The following MAEA variants were observed in gnomAD, a reference collection of about 807,000 sequenced individuals.
MAEA encodes the protein E3 ubiquitin-protein transferase MAEA.
A neutral mutation model predicts 46.2 loss-of-function variants in MAEA; 22 were observed. The ratio of observed to expected loss-of-function variants is 0.48; its 90% CI spans 0.34 to 0.68. MAEA has a LOEUF of 0.68. Ranked by LOEUF, MAEA falls within the 30% of genes least tolerant of loss-of-function variation. The pLI is 0.01. For missense variants in MAEA, 393 were observed against 558.1 expected, an observed-to-expected ratio of 0.70 and a Z score of 2.98; for synonymous variants, 246 against 222.6, an observed-to-expected ratio of 1.11 and a Z score of -0.94.
intron 7 of MAEA, chr4:1,338,217 G>A: frequency 1.9e-6 from 1 of 520,228 alleles, no homozygotes. Flanking sequence ...GAAGGCGCAG[G>A]CTTCTTGTCT....
At chr4:1,336,401 CA>C in intron 6 of MAEA, among the ~76,000 whole-genome samples, 1 of 151,714 alleles carries the variant, frequency 6.6e-6, no homozygotes, top group Middle Eastern at 3.2e-3. Flanking sequence ...GCACTCACCC[CA>C]CAGCATGTTG....
intron 7 of MAEA, chr4:1,337,622 G>A: frequency 5.9e-6 from 1 of 169,856 alleles, no homozygotes; most frequent in Non-Finnish European, 1.3e-5. Context: ...ACTTCTTCCT[G>A]CCTGTGACAG....
At chr4:1,315,349 C>A in intron 2 of MAEA, 48 bp from the exon 3 acceptor site, 1 of 1,560,258 alleles carries the variant, frequency 6.4e-7, no homozygotes, top group South Asian at 1.1e-5. Context: ...TGGTGCAGGG[C>A]TGCGGGGCAT....
rs1336164754 is a variant in MAEA, at chr4:1,336,957, C to G, written c.862C>G (p.Leu288Val). 6.2e-7 allele frequency: 1 copy of G among 1,614,076 alleles called. No individual in the cohort carries two copies. Among genetic ancestry groups the G allele is most frequent in the South Asian group, 1.1e-5 (1 of 91,088 alleles). The change falls in exon 7 of 9, where the codon CTC (leucine) becomes GTC (valine). Residue 288 changes from leucine to valine, a missense_variant. Transcript: ENST00000303400. ...GCTGGGAAACAATTCTGTGTTCACC[C>G]TCACCCTGCAGGCTGGCCTCTCAGC... The part of the protein sequence containing the change: ...HQLGNNSVFT[L>V]TLQAGLSAIK...
chr4:1,329,864 C>G, intron 5 of MAEA: 1 of 985,594 alleles, frequency 1.0e-6, no homozygotes, highest in Non-Finnish European at 1.2e-6. Flanking sequence ...AGGGCCCTCT[C>G]ACCTGCTGCC....
rs1402485420 is a variant in MAEA at position 1,339,192 on chromosome 4, C to A, written c.*23C>A. On this transcript the variant is annotated 3_prime_UTR_variant, in exon 9 of 9. Coordinates refer to ENST00000303400, the MANE Select transcript of MAEA (RefSeq NM_001017405.3). ...TAGGCCCCACGTCGTGAAGCGCACG[C>A]CTCGGGGACGGGCTGCAGTGGGCGG... is the stretch of plus-strand genomic sequence containing the variant. 2 of 1,592,862 alleles carry A rather than the reference C, an allele frequency of 1.3e-6. No homozygotes were observed. Among genetic ancestry groups the A allele is most frequent in the Non-Finnish European group, 1.7e-6 (2 of 1,160,928 alleles).
Position 1,311,917 on chromosome 4 carries a change from T to C in MAEA, c.70-62T>C. On this transcript the variant is annotated intron_variant, in intron 1 of 8. Transcript: ENST00000303400. The surrounding 1 kb of genome is among the most constrained non-coding windows in gnomAD (Gnocchi z 4.4). ...ATGAGGAGACCTGGTGTGTCCTGGG[T>C]GTGGGGCTGGTGGGGCTCACACCAG... 5.4e-6 allele frequency: 8 copies of C among 1,478,484 alleles called. No individual in the cohort carries two copies. Among genetic ancestry groups the C allele is most frequent in the Non-Finnish European group, 7.4e-6 (8 of 1,073,860 alleles). 91.6% of individuals were successfully genotyped at this position (1,478,484 alleles called of 1,614,324 possible).
chr4:1,338,342 A>G (rs1577251112), intron 7 of MAEA, 80 bp from the exon 8 acceptor site: 2 of 1,160,560 alleles, frequency 1.7e-6, no homozygotes, highest in East Asian at 2.4e-5. Flanking sequence ...CACGCAGCCC[A>G]GGGCAGAGTG....
intron 1 of MAEA, chr4:1,298,190 G>T: frequency 2.4e-6 from 1 of 410,974 alleles, no homozygotes; most frequent in South Asian, 1.7e-5. Context: ...CCCGCGGCTT[G>T]GCCCTGTCTG....
intron 4 of MAEA, among the ~76,000 whole-genome samples, chr4:1,326,393 C>T (rs770224413): frequency 1.3e-4 from 20 of 152,226 alleles, no homozygotes; most frequent in Non-Finnish European, 2.9e-4. Context: ...TGTCCTGAAA[C>T]CACACGGAAG....
At chr4:1,328,954 G>A in intron 5 of MAEA, 1 of 992,056 alleles carries the variant, frequency 1.0e-6, no homozygotes, top group African/African-American at 1.7e-5. Flanking sequence ...GACACGGCCA[G>A]GGGCCCCCTG....
intron 3 of MAEA, among the ~76,000 whole-genome samples, chr4:1,317,609 G>A (rs550621773): frequency 6.6e-6 from 1 of 152,136 alleles, no homozygotes; most frequent in Non-Finnish European, 1.5e-5. Context: ...TGCCCAGTGG[G>A]CAGGGTGAGC....
intron 7 of MAEA, chr4:1,337,349 T>TCTGCCCTGCCTGTGACTGA (rs1229804301): frequency 6.4e-6 from 2 of 311,866 alleles, no homozygotes; most frequent in African/African-American, 4.4e-5. Flanking sequence ...TGTGACTGAC[T>TCTGCCCTGCCTGTGACTGA]CTGTCCCGCC....
At chr4:1,303,775 GT>G (rs1735562345) in intron 1 of MAEA, among the ~76,000 whole-genome samples, 1 of 152,096 alleles carries the variant, frequency 6.6e-6, no homozygotes, top group South Asian at 2.1e-4. Context: ...TTTACGGCCT[GT>G]GAATTGTATC....
chr4:1,322,994 C>T (rs984465519), intron 4 of MAEA, among the ~76,000 whole-genome samples: 6 of 118,658 alleles, frequency 5.1e-5, no homozygotes, highest in Non-Finnish European at 9.7e-5. Context: ...CTCGCTTTGT[C>T]GCCAGGGTGG....
chr4:1,305,432 C>T (rs1244089474), intron 1 of MAEA, among the ~76,000 whole-genome samples: 2 of 152,236 alleles, frequency 1.3e-5, no homozygotes, highest in Admixed American at 1.3e-4. Flanking sequence ...TTTGTTTACC[C>T]ATCCTGGTCA....
rs778759362 is a variant in MAEA, at chr4:1,334,851, C to A, written c.765+1986C>A. Reference sequence around the variant, plus strand: ...AGGAGCTGTTCTTCTCAGTGAGGACCTTCTGGACTGTGGGCTTCCTCCCTT... The same window carrying A: ...AGGAGCTGTTCTTCTCAGTGAGGACATTCTGGACTGTGGGCTTCCTCCCTT... On this transcript the variant is annotated intron_variant, in intron 6 of 8. Transcript: ENST00000303400. The A allele has an allele frequency of 3.0e-6, 3 of 985,348 alleles. No individual in the cohort carries two copies. The South Asian group carries it at 1.4e-4, about 46-fold the overall frequency. The allele number at this position is 985,348 out of a possible 1,614,324, so 61.0% of individuals were successfully genotyped here.
At chr4:1,293,480 CCTA>C (rs1734320879) in intron 1 of MAEA, among the ~76,000 whole-genome samples, 1 of 152,222 alleles carries the variant, frequency 6.6e-6, no homozygotes, top group African/African-American at 2.4e-5. Context: ...TGTATTTACT[CCTA>C]CTATTTCCCT....
In MAEA at chr4:1,322,943, C is replaced by CCTTTTTTTTTTTTTTTTTTTTT. The variant is rs1560368750; in HGVS notation, c.579+440_579+441insCTTTTTTTTTTTTTTTTTTTTT. Among the ~76,000 whole-genome samples, 12 of 75,246 alleles carry CCTTTTTTTTTTTTTTTTTTTTT rather than the reference C, an allele frequency of 1.6e-4. 4 individuals are homozygous for CCTTTTTTTTTTTTTTTTTTTTT. The highest frequency in any genetic ancestry group is 2.6e-4 in the Non-Finnish European group (11 of 41,994). 49.4% of individuals were successfully genotyped at this position (75,246 alleles called of 152,430 possible). On this transcript the variant is annotated intron_variant, in intron 4 of 8. Coordinates refer to ENST00000303400, the MANE Select transcript of MAEA (RefSeq NM_001017405.3). Reference sequence around the variant, plus strand: ...CTGTGATATTGTTAATGAATACCCACTTTTTTTTTTTTTTTTTTTTTTTTT... The same window carrying CCTTTTTTTTTTTTTTTTTTTTT: ...CTGTGATATTGTTAATGAATACCCACCTTTTTTTTTTTTTTTTTTTTTTTTTTTTTTTTTTTTTTTTTTTTTT...
Sources: gnomAD v4.1 joint callset for allele counts (sites outside exome capture counted in the v4.1 genomes callset) on GRCh38, gnomAD v4.1.1 for gene constraint, Gnocchi (gnomAD v3.1) non-coding constraint, MANE v1.5 for transcripts, NCBI Gene and HGNC (gene_info 2026-07-23, HGNC 2026-07-21) for gene names.